Variants in CHST9 observed in about 807,000 individuals in gnomAD.
The protein encoded by CHST9 is GalNAc-4-sulfotransferase 2.
CHST9 carries 41 observed loss-of-function variants against 44.4 expected under a neutral mutation model. That is an observed-to-expected ratio of 0.92 (90% CI 0.72 to 1.20). The LOEUF is 1.20. CHST9 is among the 50% of genes most tolerant of loss of function. The pLI, the probability that CHST9 is intolerant of heterozygous loss-of-function variation, is 0.00. For synonymous variants in CHST9, 171 were observed against 178.4 expected (o/e 0.96, Z 0.33); for missense variants, 504 against 516.5 (o/e 0.98, Z 0.23).
At chr18:27,002,470 T>C (rs2056965580) in intron 4 of CHST9, among the ~76,000 whole-genome samples, 1 of 152,198 alleles carries the variant, frequency 6.6e-6, no homozygotes, top group Admixed American at 6.5e-5. Context: ...CTATATCCAT[T>C]CAGCAGAAAT....
At chr18:27,057,056 C>T (rs8096922) in intron 2 of CHST9, among the ~76,000 whole-genome samples, 117,489 of 152,110 alleles carry the variant, frequency 0.77, 45,475 homozygotes, top group Non-Finnish European at 0.79. Flanking sequence ...CTGTGGACTG[C>T]CAATAGTCTA....
At chr18:27,137,288 AT>A (rs931164953) in intron 2 of CHST9, among the ~76,000 whole-genome samples, 3 of 94,114 alleles carry the variant, frequency 3.2e-5, no homozygotes, top group Admixed American at 2.7e-4. Context: ...ATCTGTATAT[AT>A]TGATTTATTT....
In CHST9 at chr18:26,914,319, C is replaced by A. The variant is rs2055481384; in HGVS notation, c.*1940G>T. On this transcript the variant is annotated 3_prime_UTR_variant, in exon 6 of 6. Transcript: ENST00000618847. ...TTAGGAATACTTTTGAGGAAATTGC[C>A]TTTATTCTTTATAGTGGATTTCATA... is the stretch of plus-strand genomic sequence containing the variant. The A allele has an allele frequency of 6.6e-6, 1 of 152,060 alleles. No individual in the cohort carries two copies. Among genetic ancestry groups the A allele is most frequent in the African/African-American group, 2.4e-5 (1 of 41,398 alleles). The allele number at this position is 152,060 out of a possible 1,614,324, so 9.4% of individuals were successfully genotyped here. A position where few individuals can be genotyped will look rare whatever the true frequency, so the allele number is the denominator to read the frequency against.
chr18:27,173,871 T>C (rs952898756), intron 1 of CHST9, among the ~76,000 whole-genome samples: 13 of 152,052 alleles, frequency 8.5e-5, no homozygotes, highest in African/African-American at 2.9e-4. Flanking sequence ...ACAAGTGGCA[T>C]ATAATCTCTT....
intron 1 of CHST9, among the ~76,000 whole-genome samples, chr18:27,163,425 A>G (rs1394183928): frequency 2.0e-5 from 3 of 152,184 alleles, no homozygotes; most frequent in African/African-American, 7.2e-5. Flanking sequence ...GAGTCTACAG[A>G]GGCAGGCAGG....
rs1047731634 is a variant in CHST9, at chr18:26,916,515, G to A, written c.1076C>T (p.Pro359Leu). 5.0e-6 allele frequency: 8 copies of A among 1,613,784 alleles called. No individual in the cohort carries two copies. The highest frequency in any genetic ancestry group is 1.7e-5 in the Admixed American group (1 of 59,998). The change falls in exon 6 of 6, where the codon CCG becomes CTG. Residue 359 changes from proline to leucine, a missense_variant. Coordinates refer to ENST00000618847, the MANE Select transcript of CHST9 (RefSeq NM_031422.6). ...HWEKVSKLCY[P>L]CLINYDFVGK... ...TACAAAATCATAGTTGATCAAACAC[G>A]GATAGCAGAGTTTGCTGACCTTTTC... is the stretch of plus-strand genomic sequence containing the variant.
At chr18:27,117,913 G>A (rs914349501) in intron 2 of CHST9, among the ~76,000 whole-genome samples, 3 of 152,182 alleles carry the variant, frequency 2.0e-5, no homozygotes, top group African/African-American at 4.8e-5. Context: ...AAATACCAAG[G>A]AGCATGATTG....
chr18:26,971,354 G>T lies in CHST9; in HGVS notation c.203-26988C>A, dbSNP rs375929866. On this transcript the variant is annotated intron_variant, in intron 4 of 5. Coordinates refer to ENST00000618847, the MANE Select transcript of CHST9 (RefSeq NM_031422.6). ...GTAAAAATTTCAGAATAAAGACAGAGAAATTCACTCAACAAACACTTATGG... is the reference window on the plus strand; with the variant it reads ...GTAAAAATTTCAGAATAAAGACAGATAAATTCACTCAACAAACACTTATGG... Among the ~76,000 whole-genome samples the T allele has an allele frequency of 1.6e-4, 24 of 152,276 alleles. No homozygotes were observed. The East Asian group carries it at 1.7e-3, about 11-fold the overall frequency.
At chr18:26,993,125 C>T (rs919567650) in intron 4 of CHST9, among the ~76,000 whole-genome samples, 4 of 152,260 alleles carry the variant, frequency 2.6e-5, no homozygotes, top group Middle Eastern at 6.8e-3. Flanking sequence ...GGGAGGGACA[C>T]GTTATGGTTT....
At position 26,993,121 on chromosome 18, in the gene CHST9, G is replaced by A. The variant is rs114164400; in HGVS notation, c.202+30995C>T. Among the ~76,000 whole-genome samples the A allele has an allele frequency of 9.2e-3, 1,395 of 152,254 alleles. 21 individuals are homozygous for A. Among genetic ancestry groups the A allele is most frequent in the African/African-American group, 0.032 (1,334 of 41,556 alleles). On this transcript the variant is annotated intron_variant, in intron 4 of 5. Transcript: ENST00000618847. ...ACAACCAATAGGAAGGAGTGGGAGG[G>A]ACACGTTATGGTTTAACCAGTCTCT...
chr18:26,987,991 G>C (rs1406809502), intron 4 of CHST9, among the ~76,000 whole-genome samples: 1 of 151,754 alleles, frequency 6.6e-6, no homozygotes, highest in East Asian at 1.9e-4. Flanking sequence ...TAGCCACAAT[G>C]GACTAAAATA....
intron 2 of CHST9, among the ~76,000 whole-genome samples, chr18:27,085,617 C>T (rs1370238359): frequency 6.6e-6 from 1 of 152,034 alleles, no homozygotes; most frequent in African/African-American, 2.4e-5. Flanking sequence ...AATCTAAAAA[C>T]AACAGATGTT....
chr18:27,182,260 C>G (rs1403525192), intron 1 of CHST9, among the ~76,000 whole-genome samples: 1 of 152,082 alleles, frequency 6.6e-6, no homozygotes, highest in Non-Finnish European at 1.5e-5. Context: ...TTTAATTAGA[C>G]TATATTTTTA....
chr18:27,048,151 C>G (rs557634716), intron 3 of CHST9, among the ~76,000 whole-genome samples: 1 of 152,118 alleles, frequency 6.6e-6, no homozygotes, highest in East Asian at 1.9e-4. Flanking sequence ...TGGTTGTCAA[C>G]TATCACATCA....
At chr18:27,068,676 A>G (rs374358673) in intron 2 of CHST9, among the ~76,000 whole-genome samples, 1 of 152,180 alleles carries the variant, frequency 6.6e-6, no homozygotes, top group Non-Finnish European at 1.5e-5. Context: ...ATTCATTCAC[A>G]TAGTATGGAA....
chr18:26,982,659 T>C (rs2056706516), intron 4 of CHST9, among the ~76,000 whole-genome samples: 1 of 152,112 alleles, frequency 6.6e-6, no homozygotes, highest in Non-Finnish European at 1.5e-5. Flanking sequence ...CAGTAAAGGT[T>C]TTCCAGTCTT....
chr18:27,002,228 A>AT (rs111476399), intron 4 of CHST9, among the ~76,000 whole-genome samples: 16,314 of 146,324 alleles, frequency 0.11, 1,814 homozygotes, highest in African/African-American at 0.3. Context: ...ACCATCCTTA[A>AT]TTTTTTTTTT....
intron 2 of CHST9, among the ~76,000 whole-genome samples, chr18:27,076,930 T>G (rs2057910557): frequency 6.6e-6 from 1 of 152,156 alleles, no homozygotes; most frequent in African/African-American, 2.4e-5. Context: ...TTTAGAGAGG[T>G]GATCTGTCAA....
chr18:27,182,887 T>C (rs1356646018), intron 1 of CHST9, among the ~76,000 whole-genome samples: 1 of 152,256 alleles, frequency 6.6e-6, no homozygotes, highest in East Asian at 1.9e-4. Flanking sequence ...TTAGGTTTAC[T>C]GAATTTGGAA....
Sources: allele counts gnomAD v4.1 joint callset (sites outside exome capture counted in the v4.1 genomes callset), GRCh38; gene constraint gnomAD v4.1.1; transcripts MANE v1.5; gene names NCBI Gene and HGNC (gene_info 2026-07-23, HGNC 2026-07-21).